The following SORCS2 variants were observed in gnomAD, a reference collection of about 807,000 sequenced individuals.
The protein encoded by SORCS2 is VPS10 domain-containing receptor SorCS2.
In SORCS2, 100 loss-of-function variants were observed where a neutral mutation model predicts 141.6. That is an observed-to-expected ratio of 0.71 (90% confidence interval 0.60 to 0.83). SORCS2 has a LOEUF of 0.83. Among genes scored for constraint, SORCS2 ranks in the 40% least tolerant of loss-of-function variants. The pLI, the probability that SORCS2 is intolerant of heterozygous loss-of-function variation, is 0.00. For missense variants in SORCS2, 1,646 were observed against 1,560.2 expected (o/e 1.05, Z -0.93); for synonymous variants, 789 against 676.9 (o/e 1.17, Z -2.57).
chr4:7,400,763 AT>A (rs1724525819), intron 2 of SORCS2, among the ~76,000 whole-genome samples: 1 of 151,692 alleles, frequency 6.6e-6, no homozygotes, highest in South Asian at 2.1e-4. Flanking sequence ...GGATTGATGG[AT>A]GGATGTATGG....
At chr4:7,393,064 G>A (rs908159245) in intron 1 of SORCS2, among the ~76,000 whole-genome samples, 21 of 152,284 alleles carry the variant, frequency 1.4e-4, no homozygotes, top group South Asian at 1.0e-3. Context: ...CCGGGAGGAC[G>A]GGAGGCAAGA....
intron 2 of SORCS2, among the ~76,000 whole-genome samples, chr4:7,475,551 T>C (rs937836389): frequency 3.3e-5 from 5 of 152,190 alleles, no homozygotes; most frequent in African/African-American, 1.2e-4. Context: ...GCTGCCCCCC[T>C]CCTGCCACTT....
chr4:7,416,552 GC>G (rs879312522), intron 2 of SORCS2, among the ~76,000 whole-genome samples: 8 of 152,062 alleles, frequency 5.3e-5, no homozygotes, highest in Non-Finnish European at 7.4e-5. Context: ...ACACGTGCAT[GC>G]ATGTGCACAT....
chr4:7,639,637 G>C (rs553605872), intron 4 of SORCS2, among the ~76,000 whole-genome samples: 3 of 152,014 alleles, frequency 2.0e-5, no homozygotes, highest in African/African-American at 7.2e-5. Flanking sequence ...GGGTGTGTGG[G>C]AGTGTGTATA....
rs1232255149 is a variant in SORCS2 at position 7,725,266 on chromosome 4, G to A, written c.2724G>A (p.Trp908Ter). The A allele has an allele frequency of 6.2e-7, 1 of 1,613,382 alleles. No homozygotes were observed. Among genetic ancestry groups the A allele is most frequent in the Non-Finnish European group, 8.5e-7 (1 of 1,179,606 alleles). The change falls in exon 20 of 27, where the codon TGG becomes TGA. Residue 908 changes from tryptophan (W) to a stop codon, truncating the protein, a stop_gained. Coordinates refer to ENST00000507866, the MANE Select transcript of SORCS2 (RefSeq NM_020777.3). LOFTEE classifies it high-confidence loss of function. ...ACCCTAACCTCACCGTCTTCTACTGGTGGATCGGCCACAGCCTGCAGGTGC... is the reference window on the plus strand; with the variant it reads ...ACCCTAACCTCACCGTCTTCTACTGATGGATCGGCCACAGCCTGCAGGTGC... ...PLNPNLTVFY[W>*]WIGHSLQPLL...
At chr4:7,732,957 C>T (rs1321442602) in intron 23 of SORCS2, among the ~76,000 whole-genome samples, 7 of 151,902 alleles carry the variant, frequency 4.6e-5, no homozygotes, top group Non-Finnish European at 1.5e-5. Context: ...CCCAGCTCTC[C>T]CATCCCCCTC....
chr4:7,515,464 C>G (rs533742947), intron 2 of SORCS2, among the ~76,000 whole-genome samples: 1 of 152,164 alleles, frequency 6.6e-6, no homozygotes, highest in Non-Finnish European at 1.5e-5. Context: ...CTTCTCAGAG[C>G]TGTAGCCTTG....
chr4:7,301,842 A>G lies in SORCS2; in HGVS notation c.481-94446A>G, dbSNP rs116176385. On this transcript the variant is annotated intron_variant, in intron 1 of 26. Coordinates refer to ENST00000507866, the MANE Select transcript of SORCS2 (RefSeq NM_020777.3). ...CCTGAGCTGGAAGGACGGGGTTAAC[A>G]CTAAGGTTCCGTTCTCCTGCAGGGC... Among the ~76,000 whole-genome samples, 1,371 of 152,322 alleles carry G rather than the reference A, an allele frequency of 9.0e-3. 23 individuals carry two copies. Among genetic ancestry groups the G allele is most frequent in the African/African-American group, 0.031 (1,270 of 41,560 alleles).
intron 3 of SORCS2, among the ~76,000 whole-genome samples, chr4:7,608,564 C>T (rs1409193914): frequency 6.6e-6 from 1 of 152,198 alleles, no homozygotes; most frequent in Non-Finnish European, 1.5e-5. Context: ...GTGGGCATCC[C>T]ACACAGGCTC....
At position 7,201,754 on chromosome 4, in the gene SORCS2, G is replaced by C. The variant is rs1291466838; in HGVS notation, c.480+8628G>C. Reference sequence around the variant, plus strand: ...CTTACGAATGGCCCACTTTGTCCTCGCCCCTCCTTAGTCGCTAGTTTGGGT... The same window carrying C: ...CTTACGAATGGCCCACTTTGTCCTCCCCCCTCCTTAGTCGCTAGTTTGGGT... On this transcript the variant is annotated intron_variant, in intron 1 of 26. Transcript: ENST00000507866. The surrounding 1 kb of genome is among the most constrained non-coding windows in gnomAD (Gnocchi z 4.4). 6.6e-6 allele frequency among the ~76,000 whole-genome samples: 1 copy of C among 152,058 alleles called. No homozygotes were observed. Among genetic ancestry groups the C allele is most frequent in the African/African-American group, 2.4e-5 (1 of 41,404 alleles).
intron 1 of SORCS2, among the ~76,000 whole-genome samples, chr4:7,373,481 T>TAA (rs57125960): frequency 3.3e-5 from 1 of 29,870 alleles, no homozygotes; most frequent in African/African-American, 8.5e-5. Context: ...TATATATATT[T>TAA]TTTTTTTTTT....
At chr4:7,483,453 C>T (rs1730781974) in intron 2 of SORCS2, among the ~76,000 whole-genome samples, 1 of 152,042 alleles carries the variant, frequency 6.6e-6, no homozygotes, top group African/African-American at 2.4e-5. Context: ...AAAAGAAAAG[C>T]ATGAACAGAC....
intron 2 of SORCS2, among the ~76,000 whole-genome samples, chr4:7,464,876 T>C (rs2109332201): frequency 6.6e-6 from 1 of 152,316 alleles, no homozygotes; most frequent in Admixed American, 6.5e-5. Flanking sequence ...AGGTGGGTGA[T>C]GCTGCCTTCC....
At chr4:7,724,877 ATGGTGGTGGTGTTGGTGATGGTGG>A (rs1560114920) in intron 19 of SORCS2, among the ~76,000 whole-genome samples, 2 of 93,324 alleles carry the variant, frequency 2.1e-5, no homozygotes, top group African/African-American at 9.7e-5. Flanking sequence ...GGTAGTGGTG[ATGGTGGTGGTGTTGGTGATGGTGG>A]TGATAGTATT....
chr4:7,330,378 G>T (rs998545025), intron 1 of SORCS2, among the ~76,000 whole-genome samples: 1 of 151,998 alleles, frequency 6.6e-6, no homozygotes, highest in African/African-American at 2.4e-5. Context: ...CAAATTTCAG[G>T]TCAGGGCAGC....
intron 1 of SORCS2, among the ~76,000 whole-genome samples, chr4:7,380,997 G>A (rs1035664213): frequency 6.0e-5 from 9 of 150,330 alleles, no homozygotes; most frequent in African/African-American, 7.4e-5. Flanking sequence ...CAGGAGAATC[G>A]CTTGAACCCG....
intron 1 of SORCS2, among the ~76,000 whole-genome samples, chr4:7,250,451 A>G (rs1249179163): frequency 6.6e-6 from 1 of 152,196 alleles, no homozygotes; most frequent in African/African-American, 2.4e-5. Context: ...TTCCAGAGAC[A>G]TTTCGTTGTG....
intron 1 of SORCS2, among the ~76,000 whole-genome samples, chr4:7,330,672 G>A (rs1407136545): frequency 2.6e-5 from 4 of 152,048 alleles, no homozygotes; most frequent in African/African-American, 9.7e-5. Context: ...GTGCTCTGCA[G>A]TGCAACTTAC....
chr4:7,489,532 C>A (rs1731192807), intron 2 of SORCS2, among the ~76,000 whole-genome samples: 1 of 151,912 alleles, frequency 6.6e-6, no homozygotes. Flanking sequence ...CTGTCCCCGG[C>A]CCTCCTGGCC....
Sources: allele counts gnomAD v4.1 joint callset (sites outside exome capture counted in the v4.1 genomes callset), GRCh38; gene constraint gnomAD v4.1.1; non-coding constraint Gnocchi (gnomAD v3.1); transcripts MANE v1.5; gene names NCBI Gene and HGNC (gene_info 2026-07-23, HGNC 2026-07-21).